LMCD1: variants seen among roughly 807,000 people sequenced by gnomAD.
LMCD1 encodes LIM and cysteine-rich domains protein 1.
A neutral mutation model predicts 42.7 loss-of-function variants in LMCD1; 32 were observed. The observed-to-expected ratio is 0.75, with a 90% CI of 0.57 to 1.01. The LOEUF is 1.01. LMCD1 is among the 50% of genes least tolerant of loss of function. The pLI is 0.00. For synonymous variants in LMCD1, 178 were observed against 184.9 expected, an observed-to-expected ratio of 0.96 and a Z score of 0.30; for missense variants, 458 against 483.1, an observed-to-expected ratio of 0.95 and a Z score of 0.49.
rs1273575121 is a variant in LMCD1, at chr3:8,573,904, G to GA, written c.*6312dup. On this transcript the variant is annotated 3_prime_UTR_variant, in exon 6 of 6. Coordinates refer to ENST00000157600, the MANE Select transcript of LMCD1 (RefSeq NM_014583.4). The stretch of plus-strand genomic sequence containing the variant: ...AAAAAAAAAAAAGAAGAAAAGAAAA[G>GA]AAAAAATATGAGAGGGGTTTTGCTT... 6.6e-6 allele frequency: 1 copy of GA among 151,018 alleles called. No homozygotes were observed. Among genetic ancestry groups the GA allele is most frequent in the African/African-American group, 2.4e-5 (1 of 41,130 alleles). The allele number at this position is 151,018 out of a possible 1,614,324, so 9.4% of individuals were successfully genotyped here.
intron 1 of LMCD1, among the ~76,000 whole-genome samples, chr3:8,530,641 A>C (rs904520765): frequency 6.6e-6 from 1 of 152,220 alleles, no homozygotes; most frequent in African/African-American, 2.4e-5. Flanking sequence ...TGGTCCAACA[A>C]TGAAGCCTTA....
chr3:8,567,600 G>GGGCT lies in LMCD1; in HGVS notation c.*4_*7dup. 1 of 1,611,794 alleles carries GGGCT rather than the reference G, an allele frequency of 6.2e-7. No homozygotes were observed. The highest frequency in any genetic ancestry group is 1.7e-4 in the Middle Eastern group (1 of 5,720). On this transcript the variant is annotated 3_prime_UTR_variant, in exon 6 of 6. Coordinates refer to ENST00000157600, the MANE Select transcript of LMCD1 (RefSeq NM_014583.4). The stretch of plus-strand genomic sequence containing the variant: ...TGCAGCAAGTCCAAACGCTCCTGAA[G>GGGCT]GGCTGCCCACCCACAGCCAGAATCC...
intron 1 of LMCD1, among the ~76,000 whole-genome samples, chr3:8,524,695 G>GTTGTTGTTGTTGTTGTTT (rs1402243933): frequency 1.3e-5 from 2 of 151,908 alleles, no homozygotes; most frequent in Non-Finnish European, 2.9e-5. Flanking sequence ...TGCTGTTGTT[G>GTTGTTGTTGTTGTTGTTT]TTGTTGTTGA....
chr3:8,546,969 C>A (rs1345836693), intron 3 of LMCD1, among the ~76,000 whole-genome samples: 2 of 152,118 alleles, frequency 1.3e-5, no homozygotes, highest in African/African-American at 4.8e-5. Flanking sequence ...TAGAGGCAAA[C>A]TAGTAAATGT....
At chr3:8,565,679 C>T in intron 5 of LMCD1, 32 bp downstream of exon 5, 3 of 1,543,690 alleles carry the variant, frequency 1.9e-6, no homozygotes, top group African/African-American at 1.4e-5. Context: ...GGTTAGGGGG[C>T]TTGAGGGACA....
intron 1 of LMCD1, among the ~76,000 whole-genome samples, chr3:8,525,992 G>A (rs1274917944): frequency 6.6e-6 from 1 of 152,204 alleles, no homozygotes; most frequent in Non-Finnish European, 1.5e-5. Context: ...TGGTCCCTGG[G>A]ACAGCAGAAA....
chr3:8,547,358 T>C (rs1381276433), intron 3 of LMCD1, among the ~76,000 whole-genome samples: 5 of 152,212 alleles, frequency 3.3e-5, no homozygotes, highest in African/African-American at 1.2e-4. Flanking sequence ...ATACATTAAG[T>C]ACAACCCTAC....
intron 1 of LMCD1, among the ~76,000 whole-genome samples, chr3:8,519,043 G>A (rs971290270): frequency 5.3e-5 from 8 of 152,170 alleles, no homozygotes; most frequent in Non-Finnish European, 1.0e-4. Context: ...TTATATAAAT[G>A]TTTATTGAGG....
intron 1 of LMCD1, among the ~76,000 whole-genome samples, chr3:8,506,942 G>A (rs933028142): frequency 6.6e-6 from 1 of 152,168 alleles, no homozygotes; most frequent in Non-Finnish European, 1.5e-5. Flanking sequence ...TTAAAACTTC[G>A]TTCCACTGAA....
chr3:8,539,210 G>T (rs1190189027), intron 3 of LMCD1, among the ~76,000 whole-genome samples: 3 of 152,292 alleles, frequency 2.0e-5, no homozygotes, highest in Middle Eastern at 6.8e-3. Context: ...GTTCTAAGCT[G>T]TTGCCTTAGG....
At position 8,567,364 on chromosome 3, in the gene LMCD1, A is replaced by G. The variant is rs560374829; in HGVS notation, c.940-76A>G. The G allele has an allele frequency of 1.6e-5, 24 of 1,482,284 alleles. No homozygotes were observed. The South Asian group carries it at 2.5e-4, about 16-fold the overall frequency. The allele number at this position is 1,482,284 out of a possible 1,614,324, so 91.8% of individuals were successfully genotyped here. ...ATAGGATGGGATGAACCACCACCCT[A>G]TAACTTGTCCTAGATATACCGTCTC... On this transcript the variant is annotated intron_variant, in intron 5 of 5. Coordinates refer to ENST00000157600, the MANE Select transcript of LMCD1 (RefSeq NM_014583.4).
chr3:8,524,311 C>T (rs1694257891), intron 1 of LMCD1, among the ~76,000 whole-genome samples: 1 of 152,076 alleles, frequency 6.6e-6, no homozygotes, highest in East Asian at 1.9e-4. Context: ...GAAGCTTCCA[C>T]CTGAAGTTGG....
chr3:8,545,538 T>C (rs928304146), intron 3 of LMCD1, among the ~76,000 whole-genome samples: 9 of 152,298 alleles, frequency 5.9e-5, no homozygotes, highest in African/African-American at 2.2e-4. Flanking sequence ...GAATCCCAGT[T>C]GTTTATCTCA....
At chr3:8,518,515 G>A (rs1016713833) in intron 1 of LMCD1, among the ~76,000 whole-genome samples, 1 of 152,190 alleles carries the variant, frequency 6.6e-6, no homozygotes, top group South Asian at 2.1e-4. Context: ...GGGTTCTGCA[G>A]CAAGAAGACA....
intron 5 of LMCD1, 101 bp from the exon 6 acceptor site, chr3:8,567,339 A>G: frequency 1.7e-6 from 2 of 1,206,602 alleles, no homozygotes; most frequent in Non-Finnish European, 1.1e-6. Context: ...CAAAACAAGA[A>G]TAGGATGGGA....
intron 3 of LMCD1, among the ~76,000 whole-genome samples, chr3:8,540,233 C>T (rs1452458101): frequency 6.6e-6 from 1 of 151,968 alleles, no homozygotes; most frequent in Non-Finnish European, 1.5e-5. Context: ...GGAATGGGAC[C>T]GAATTTTGCT....
intron 3 of LMCD1, among the ~76,000 whole-genome samples, chr3:8,543,785 G>A (rs7632129): frequency 0.35 from 53,867 of 152,016 alleles, 10,298 homozygotes; most frequent in Non-Finnish European, 0.44. Flanking sequence ...CATTTCTAGG[G>A]CTCTCCAGAC....
intron 1 of LMCD1, among the ~76,000 whole-genome samples, chr3:8,515,459 A>G (rs1205056971): frequency 6.6e-6 from 1 of 152,116 alleles, no homozygotes; most frequent in East Asian, 1.9e-4. Context: ...TGCTGAATGC[A>G]CGTTTACTTT....
chr3:8,511,069 A>G (rs1693988306), intron 1 of LMCD1, among the ~76,000 whole-genome samples: 1 of 152,164 alleles, frequency 6.6e-6, no homozygotes, highest in Admixed American at 6.5e-5. Flanking sequence ...CTCATTTCCT[A>G]TTACCTCGAA....
Sources: allele counts gnomAD v4.1 joint callset (sites outside exome capture counted in the v4.1 genomes callset), GRCh38; gene constraint gnomAD v4.1.1; transcripts MANE v1.5; gene names NCBI Gene and HGNC (gene_info 2026-07-23, HGNC 2026-07-21).